SPECC1L: variants seen among roughly 807,000 people sequenced by gnomAD.
SPECC1L encodes the protein cytospin-A.
In SPECC1L, 40 loss-of-function variants were observed where a neutral mutation model predicts 116.8. The observed-to-expected ratio is 0.34, with a 90% CI of 0.27 to 0.45. SPECC1L has a LOEUF of 0.45. SPECC1L is among the 20% of genes least tolerant of loss of function. The probability of loss-of-function intolerance (pLI) is 1.00; values close to 1 mark genes in which losing one functional copy is unlikely to be tolerated. For missense variants in SPECC1L, 1,110 were observed against 1,373.6 expected (o/e 0.81, Z 3.03); for synonymous variants, 504 against 500.6 (o/e 1.01, Z -0.09).
intron 1 of SPECC1L, among the ~76,000 whole-genome samples, chr22:24,274,324 C>T (rs1278358754): frequency 6.6e-6 from 1 of 152,108 alleles, no homozygotes. Context: ...ACAGATGATC[C>T]CTGTGTCTGT....
At chr22:24,389,197 A>G (rs150946172) in intron 14 of SPECC1L, among the ~76,000 whole-genome samples, 9 of 149,534 alleles carry the variant, frequency 6.0e-5, no homozygotes, top group African/African-American at 2.2e-4. Context: ...GCTTACTGCA[A>G]CCTCTGCCTC....
intron 1 of SPECC1L, among the ~76,000 whole-genome samples, chr22:24,272,316 G>T (rs948866589): frequency 6.6e-6 from 1 of 152,156 alleles, no homozygotes; most frequent in African/African-American, 2.4e-5. Context: ...AGTGAGCCGA[G>T]TTCGCGCCAC....
In SPECC1L at chr22:24,324,248, A is replaced by C. The variant is rs139099983; in HGVS notation, c.1967A>C (p.Glu656Ala). Residue 656 changes from glutamate (E) to alanine (A), a missense_variant, in exon 6 of 17, where the codon GAA (glutamate) becomes GCA (alanine). By Grantham distance (107) the Glu-to-Ala change is moderately radical. Coordinates refer to ENST00000314328, the MANE Select transcript of SPECC1L (RefSeq NM_015330.6). ...KVEDEYRAFQ[E>A]EAKKQIEDLN... is the part of the protein sequence containing the mutation. ...GAGGATGAATACCGAGCCTTCCAAGAAGAAGCTAAGAAACAAATTGAAGAT... is the reference window on the plus strand; with the variant it reads ...GAGGATGAATACCGAGCCTTCCAAGCAGAAGCTAAGAAACAAATTGAAGAT... 2 of 1,614,062 alleles carry C rather than the reference A, an allele frequency of 1.2e-6. No homozygotes were observed. The highest frequency in any genetic ancestry group is 1.7e-6 in the Non-Finnish European group (2 of 1,179,988).
intron 14 of SPECC1L, among the ~76,000 whole-genome samples, chr22:24,381,025 A>C (rs1601317040): frequency 6.6e-6 from 1 of 152,350 alleles, no homozygotes; most frequent in Middle Eastern, 3.4e-3. Context: ...AGAGACAACC[A>C]CTTTTAATTT....
chr22:24,372,507 G>A (rs2146659521), intron 14 of SPECC1L, among the ~76,000 whole-genome samples: 1 of 152,258 alleles, frequency 6.6e-6, no homozygotes, highest in South Asian at 2.1e-4. Flanking sequence ...CATATAAACA[G>A]AACCAGTGAC....
rs199808440 is a variant in SPECC1L at position 24,414,596 on chromosome 22, G to A, written c.3327G>A (p.Thr1109=). ...PDWQNVMLYV[T]AIYKYFET is the part of the protein sequence containing the mutation. ...GGCAGAACGTGATGCTGTATGTGACGGCGATCTACAAGTACTTTGAGACCT... is the reference window on the plus strand; with the variant it reads ...GGCAGAACGTGATGCTGTATGTGACAGCGATCTACAAGTACTTTGAGACCT... The change falls in exon 17 of 17, where the codon ACG becomes ACA. Residue 1109 remains threonine (T), a synonymous_variant. Transcript: ENST00000314328. The A allele has an allele frequency of 2.5e-5, 41 of 1,613,868 alleles. No individual in the cohort carries two copies. The highest frequency in any genetic ancestry group is 3.0e-5 in the Non-Finnish European group (35 of 1,179,992).
chr22:24,383,515 A>T (rs1412917409), intron 14 of SPECC1L, among the ~76,000 whole-genome samples: 1 of 152,234 alleles, frequency 6.6e-6, no homozygotes, highest in Non-Finnish European at 1.5e-5. Flanking sequence ...TGATCCAGAT[A>T]TTGGAACCCT....
rs751010478 is a variant in SPECC1L at position 24,412,631 on chromosome 22, C to T, written c.3205-17C>T. ...GTGCCTTGTTCATGCACTGCAGTGA[C>T]ACAGTTTCTTTTACAGAGAAGGAAC... On this transcript the variant is annotated splice_polypyrimidine_tract_variant and intron_variant, in intron 15 of 16. Transcript: ENST00000314328. 6.2e-7 allele frequency: 1 copy of T among 1,614,018 alleles called. No homozygotes were observed.
In SPECC1L at chr22:24,369,203, G is replaced by A. The variant is rs201190325; in HGVS notation, c.2985-15G>A. 1.2e-4 allele frequency: 196 copies of A among 1,591,764 alleles called. No individual in the cohort carries two copies. Among genetic ancestry groups the A allele is most frequent in the African/African-American group, 8.6e-4 (64 of 74,568 alleles). ...CAAACAAAAAATATTTCAACTTTGG[G>A]TTACTTGTTTTCAGAGAAGAAAGGA... On this transcript the variant is annotated splice_polypyrimidine_tract_variant and intron_variant, in intron 13 of 16. Transcript: ENST00000314328.
chr22:24,355,165 C>T (rs1206260477), intron 11 of SPECC1L, among the ~76,000 whole-genome samples: 1 of 151,364 alleles, frequency 6.6e-6, no homozygotes, highest in African/African-American at 2.4e-5. Flanking sequence ...CACCTGTAGT[C>T]CCAGGTACTC....
In SPECC1L at chr22:24,355,080, A is replaced by G. The variant is rs562488894; in HGVS notation, c.2743+7904A>G. ...CGGATCAGGAGGTCAAGAGATCCAG[A>G]CCATCCTGGCAAACATGGTGAAACC... On this transcript the variant is annotated intron_variant, in intron 11 of 16. Coordinates refer to ENST00000314328, the MANE Select transcript of SPECC1L (RefSeq NM_015330.6). Among the ~76,000 whole-genome samples the G allele has an allele frequency of 4.5e-4, 68 of 151,184 alleles. No individual in the cohort carries two copies. The South Asian group carries it at 0.013, about 29-fold the overall frequency.
At chr22:24,311,821 A>G (rs1377284254) in intron 3 of SPECC1L, among the ~76,000 whole-genome samples, 1 of 151,844 alleles carries the variant, frequency 6.6e-6, no homozygotes, top group East Asian at 1.9e-4. Flanking sequence ...AAAAAAAAAA[A>G]AAAAAAAGAA....
chr22:24,368,639 G>A (rs1483227217), intron 13 of SPECC1L, among the ~76,000 whole-genome samples: 3 of 151,920 alleles, frequency 2.0e-5, no homozygotes, highest in Non-Finnish European at 2.9e-5. Context: ...GGACATAAAC[G>A]GTTATTTTAT....
rs200718686 is a variant in SPECC1L, at chr22:24,414,578, C to T, written c.3309C>T (p.Asn1103=). Residue 1103 remains asparagine (N), a synonymous_variant, in exon 17 of 17, where the codon AAC becomes AAT. Transcript: ENST00000314328. Reference sequence around the variant, plus strand: ...GGACTGAACGACCCGACTGGCAGAACGTGATGCTGTATGTGACGGCGATCT... The same window carrying T: ...GGACTGAACGACCCGACTGGCAGAATGTGATGCTGTATGTGACGGCGATCT... ...MVRTERPDWQ[N]VMLYVTAIYK... 3.7e-6 allele frequency: 6 copies of T among 1,613,886 alleles called. No individual in the cohort carries two copies. Among genetic ancestry groups the T allele is most frequent in the Admixed American group, 1.7e-5 (1 of 59,998 alleles).
At chr22:24,402,915 A>G (rs1601355505) in intron 14 of SPECC1L, among the ~76,000 whole-genome samples, 2 of 152,326 alleles carry the variant, frequency 1.3e-5, no homozygotes, top group East Asian at 3.9e-4. Flanking sequence ...GGAGATTTGT[A>G]TAATCTCTTG....
chr22:24,313,537 C>G, intron 4 of SPECC1L, 71 bp downstream of exon 4: 1 of 1,552,758 alleles, frequency 6.4e-7, no homozygotes, highest in South Asian at 1.1e-5. Context: ...TTGGTGTTTA[C>G]AGTGTTCCAT....
intron 11 of SPECC1L, among the ~76,000 whole-genome samples, chr22:24,357,990 T>C (rs2041564431): frequency 6.6e-6 from 1 of 152,174 alleles, no homozygotes; most frequent in African/African-American, 2.4e-5. Context: ...ACATAGGCCA[T>C]GTTCAGGTAG....
rs549625817 is a variant in SPECC1L, at chr22:24,329,568, T to C, written c.2220+649T>C. On this transcript the variant is annotated intron_variant, in intron 7 of 16. Coordinates refer to ENST00000314328, the MANE Select transcript of SPECC1L (RefSeq NM_015330.6). ...ACAGTTGCTCAGGCTGCTTTCATGG[T>C]GTAAGAAAATTGCTTTAGGGGTGTA... Among the ~76,000 whole-genome samples the C allele has an allele frequency of 1.5e-4, 23 of 152,290 alleles. No homozygotes were observed. The South Asian group carries it at 4.6e-3, about 30-fold the overall frequency.
rs201520801 is a variant in SPECC1L at position 24,321,512 on chromosome 22, A to C, written c.532A>C (p.Arg178=). The change falls in exon 5 of 17, where the codon AGA becomes CGA. Residue 178 remains arginine (R), a synonymous_variant. Transcript: ENST00000314328. ...TAAGTCAGACAATCAGATCAGTGACAGAGCTGCTTTGGAGGCCAAAGTGAA... is the reference window on the plus strand; with the variant it reads ...TAAGTCAGACAATCAGATCAGTGACCGAGCTGCTTTGGAGGCCAAAGTGAA... ...KSKSDNQISD[R]AALEAKVKDL... 1.2e-6 allele frequency: 2 copies of C among 1,614,266 alleles called. No homozygotes were observed. Among genetic ancestry groups the C allele is most frequent in the Non-Finnish European group, 1.7e-6 (2 of 1,180,054 alleles).
Sources: gnomAD v4.1 joint callset for allele counts (sites outside exome capture counted in the v4.1 genomes callset) on GRCh38, gnomAD v4.1.1 for gene constraint, MANE v1.5 for transcripts, NCBI Gene and HGNC (gene_info 2026-07-23, HGNC 2026-07-21) for gene names.